Variants in PALS1 observed in about 807,000 individuals in gnomAD.
The protein encoded by PALS1 is protein associated with LIN7 1, MAGUK p55 family member, also known as protein PALS1.
Under a neutral mutation model 78.9 loss-of-function variants are expected in PALS1, and 31 were observed. The ratio of observed to expected loss-of-function variants is 0.39; its 90% confidence interval spans 0.30 to 0.53. The LOEUF (loss-of-function observed/expected upper bound fraction) is 0.53, where lower values mean the gene tolerates loss of function less well. Ranked by LOEUF, PALS1 falls within the 20% of genes least tolerant of loss-of-function variation. PALS1 has a pLI of 0.67. For missense variants in PALS1, 704 were observed against 826.5 expected, an observed-to-expected ratio of 0.85 and a Z score of 1.82; for synonymous variants, 276 against 270.9, an observed-to-expected ratio of 1.02 and a Z score of -0.18.
chr14:67,260,015 C>T (rs1410023079), intron 1 of PALS1, among the ~76,000 whole-genome samples: 3 of 152,088 alleles, frequency 2.0e-5, no homozygotes, highest in Non-Finnish European at 2.9e-5. Context: ...ACATTGTCCC[C>T]AGGAGAGAGA....
Position 67,321,251 on chromosome 14 carries a change from C to T in PALS1, c.1732C>T (p.Arg578Cys), listed in dbSNP as rs201876355. The T allele has an allele frequency of 8.2e-5, 133 of 1,613,852 alleles. No homozygotes were observed. The highest frequency in any genetic ancestry group is 3.3e-4 in the Middle Eastern group (2 of 6,084). ...NSGKICLLSL[R>C]TQSLKTLRNS... ...TGGCAAAATATGTCTTTTAAGTCTT[C>T]GTACACAGGTAAAGCTAGAACTTTG... Residue 578 changes from arginine to cysteine, a missense_variant, in exon 13 of 15, where the codon CGT becomes TGT. Physicochemically the swap from Arg to Cys is radical, Grantham distance 180. Transcript: ENST00000261681.
intron 1 of PALS1, among the ~76,000 whole-genome samples, chr14:67,245,683 G>C (rs1418953303): frequency 6.6e-6 from 1 of 152,066 alleles, no homozygotes; most frequent in Non-Finnish European, 1.5e-5. Context: ...TGTCAGATAA[G>C]TGATTTACGA....
intron 9 of PALS1, among the ~76,000 whole-genome samples, chr14:67,313,210 A>G (rs1487114362): frequency 6.6e-6 from 1 of 152,230 alleles, no homozygotes; most frequent in Non-Finnish European, 1.5e-5. Context: ...TTTAGCTTAC[A>G]TTATAGATTA....
chr14:67,241,987 T>C (rs1041142780), intron 1 of PALS1: 4 of 152,240 alleles, frequency 2.6e-5, no homozygotes, highest in South Asian at 2.1e-4. Flanking sequence ...CAGCTGCTGG[T>C]ATTCTGCTGC....
chr14:67,298,279 A>C (rs983940578), intron 4 of PALS1, among the ~76,000 whole-genome samples: 1 of 152,080 alleles, frequency 6.6e-6, no homozygotes, highest in African/African-American at 2.4e-5. Flanking sequence ...TTATACTGTT[A>C]CTAGGGGCCG....
intron 1 of PALS1, among the ~76,000 whole-genome samples, chr14:67,248,092 CT>C (rs1256804001): frequency 6.6e-6 from 1 of 152,054 alleles, no homozygotes; most frequent in African/African-American, 2.4e-5. Context: ...GAACTTTTTT[CT>C]TTAATCTGTT....
Position 67,292,767 on chromosome 14 carries a change from G to A in PALS1, c.576+48G>A, listed in dbSNP as rs200217927. ...TGATGTCTACAAGGTAATTAGTAGT[G>A]GCAGGAAGGCAGGATTATTGGAAAA... On this transcript the variant is annotated intron_variant, in intron 4 of 14. Coordinates refer to ENST00000261681, the MANE Select transcript of PALS1 (RefSeq NM_022474.4). The A allele has an allele frequency of 1.2e-5, 16 of 1,390,362 alleles. No individual in the cohort carries two copies. The African/African-American group carries it at 2.0e-4, about 17-fold the overall frequency. The allele number at this position is 1,390,362 out of a possible 1,614,324, so 86.1% of individuals were successfully genotyped here.
In PALS1 at chr14:67,304,876, T is replaced by G. The variant is rs148782443; in HGVS notation, c.1041+1277T>G. ...TGTATTGCATCTGTTATTCTTAACT[T>G]TAAAGCATAGCAGTTTGAGAAAGAA... is the stretch of plus-strand genomic sequence containing the variant. On this transcript the variant is annotated intron_variant, in intron 8 of 14. Transcript: ENST00000261681. Among the ~76,000 whole-genome samples, 440 of 152,362 alleles carry G rather than the reference T, an allele frequency of 2.9e-3. 1 individual carries two copies. The highest frequency in any genetic ancestry group is 4.7e-3 in the Non-Finnish European group (317 of 68,024).
rs2140994653 is a variant in PALS1 at position 67,321,308 on chromosome 14, A to G, written c.1740+49A>G. 4 of 1,575,098 alleles carry G rather than the reference A, an allele frequency of 2.5e-6. 1 individual carries two copies. Among genetic ancestry groups the G allele is most frequent in the Non-Finnish European group, 3.5e-6 (4 of 1,146,414 alleles). On this transcript the variant is annotated intron_variant, in intron 13 of 14. Transcript: ENST00000261681. Reference sequence around the variant, plus strand: ...GGTTTGAACTTAGAAGGAATGTCATATAGAGTAATCTAGTGGAAGCTATAT... The same window carrying G: ...GGTTTGAACTTAGAAGGAATGTCATGTAGAGTAATCTAGTGGAAGCTATAT...
intron 3 of PALS1, among the ~76,000 whole-genome samples, chr14:67,292,212 TTGG>T (rs1479921127): frequency 6.6e-6 from 1 of 152,176 alleles, no homozygotes; most frequent in Non-Finnish European, 1.5e-5. Flanking sequence ...GATGGGATTA[TTGG>T]TGGTTTTAAA....
intron 1 of PALS1, among the ~76,000 whole-genome samples, chr14:67,258,355 C>A (rs146263318): frequency 6.6e-6 from 1 of 152,200 alleles, no homozygotes; most frequent in African/African-American, 2.4e-5. Context: ...GGCAATGTGG[C>A]GAAACCCCGT....
At chr14:67,313,082 G>A (rs2085118142) in intron 9 of PALS1, among the ~76,000 whole-genome samples, 1 of 152,112 alleles carries the variant, frequency 6.6e-6, no homozygotes, top group African/African-American at 2.4e-5. Flanking sequence ...AACTTTATAA[G>A]GAGTCAGGAA....
At chr14:67,247,858 C>T (rs574055520) in intron 1 of PALS1, among the ~76,000 whole-genome samples, 50 of 152,268 alleles carry the variant, frequency 3.3e-4, no homozygotes, top group African/African-American at 1.2e-3. Context: ...GGATTACAGG[C>T]ATGAGTCACA....
intron 11 of PALS1, among the ~76,000 whole-genome samples, chr14:67,318,154 A>G (rs1050369806): frequency 2.0e-5 from 3 of 152,246 alleles, no homozygotes; most frequent in African/African-American, 7.2e-5. Flanking sequence ...CATTAGAAGC[A>G]ACCCAAATAA....
At chr14:67,284,386 C>G (rs2084645038) in intron 3 of PALS1, among the ~76,000 whole-genome samples, 1 of 142,510 alleles carries the variant, frequency 7.0e-6, no homozygotes, top group African/African-American at 2.7e-5. Flanking sequence ...TCTCTTGAGC[C>G]CAGGAGTTTG....
intron 9 of PALS1, among the ~76,000 whole-genome samples, chr14:67,313,775 T>C (rs768589087): frequency 9.2e-5 from 14 of 152,168 alleles, no homozygotes; most frequent in Non-Finnish European, 1.9e-4. Context: ...AACACTTATG[T>C]ATATTTTTTT....
intron 3 of PALS1, among the ~76,000 whole-genome samples, chr14:67,284,620 A>T (rs904277483): frequency 7.4e-5 from 11 of 148,968 alleles, no homozygotes; most frequent in African/African-American, 2.7e-4. Flanking sequence ...ATATAATTCC[A>T]AAATATGTAC....
intron 14 of PALS1, among the ~76,000 whole-genome samples, chr14:67,325,979 C>CTTTTT (rs61592505): frequency 1.5e-3 from 167 of 110,084 alleles, no homozygotes; most frequent in Middle Eastern, 4.5e-3. Flanking sequence ...CGGCTCTTTT[C>CTTTTT]TTTTTTTTTT....
intron 3 of PALS1, among the ~76,000 whole-genome samples, chr14:67,282,564 T>C (rs1441265402): frequency 6.6e-6 from 1 of 152,140 alleles, no homozygotes; most frequent in Non-Finnish European, 1.5e-5. Flanking sequence ...AGGGATGGAA[T>C]TGATAGAAAA....
Sources: allele counts gnomAD v4.1 joint callset (sites outside exome capture counted in the v4.1 genomes callset), GRCh38; gene constraint gnomAD v4.1.1; transcripts MANE v1.5; gene names NCBI Gene and HGNC (gene_info 2026-07-23, HGNC 2026-07-21).